Variants in TSC22D1 observed in about 807,000 individuals in gnomAD.
TSC22D1 encodes the protein TSC22 domain family member 1.
In TSC22D1, 9 loss-of-function variants were observed where a neutral mutation model predicts 74.2. The ratio of observed to expected loss-of-function variants is 0.12; its 90% confidence interval spans 0.07 to 0.21. The LOEUF (loss-of-function observed/expected upper bound fraction) is 0.21. Ranked by LOEUF, TSC22D1 falls within the 10% of genes least tolerant of loss-of-function variation. TSC22D1 has a pLI of 1.00. For missense variants in TSC22D1, 1,427 were observed against 1,304.7 expected (o/e 1.09, Z -1.44); for synonymous variants, 586 against 492.5 (o/e 1.19, Z -2.51).
At chr13:44,462,056 G>A (rs924846896) in intron 1 of TSC22D1, among the ~76,000 whole-genome samples, 2 of 152,140 alleles carry the variant, frequency 1.3e-5, no homozygotes, top group African/African-American at 4.8e-5. Flanking sequence ...AGGGAGAGGG[G>A]AGATAAATGA....
intron 1 of TSC22D1, chr13:44,536,715 A>T (rs1337381865): frequency 9.2e-6 from 9 of 981,692 alleles, no homozygotes; most frequent in Non-Finnish European, 1.1e-5. Context: ...ATTACTCTTG[A>T]TATTTACAGT....
intron 1 of TSC22D1, among the ~76,000 whole-genome samples, chr13:44,568,645 CA>C (rs933839159): frequency 2.6e-4 from 40 of 152,146 alleles, no homozygotes; most frequent in African/African-American, 8.2e-4. Context: ...CCCCACACTG[CA>C]AATCTCTAAT....
chr13:44,488,063 A>G (rs1245457505), intron 1 of TSC22D1, among the ~76,000 whole-genome samples: 3 of 151,794 alleles, frequency 2.0e-5, no homozygotes, highest in Non-Finnish European at 2.9e-5. Context: ...GTCTCAAAAG[A>G]AAAAAAAAGA....
chr13:44,434,549 AG>A lies in TSC22D1; in HGVS notation c.*76del. The stretch of plus-strand genomic sequence containing the variant: ...CGAGCAATGAAATGGGTGACTGTGG[AG>A]GCAGATTCTCCCTAGCACATCTTCT... On this transcript the variant is annotated 3_prime_UTR_variant, in exon 3 of 3. Transcript: ENST00000458659. The A allele has an allele frequency of 1.4e-6, 2 of 1,477,364 alleles. No individual in the cohort carries two copies. Among genetic ancestry groups the A allele is most frequent in the Non-Finnish European group, 1.8e-6 (2 of 1,117,346 alleles). The allele number at this position is 1,477,364 out of a possible 1,614,324, so 91.5% of individuals were successfully genotyped here.
Position 44,486,916 on chromosome 13 carries a change from T to C in TSC22D1, c.2913-50821A>G, listed in dbSNP as rs146837681. 1.3e-3 allele frequency among the ~76,000 whole-genome samples: 203 copies of C among 152,200 alleles called. 1 individual carries two copies. Among genetic ancestry groups the C allele is most frequent in the African/African-American group, 4.5e-3 (187 of 41,538 alleles). The stretch of plus-strand genomic sequence containing the variant: ...GAAAAAGAAATGCAGATTTCTAAAA[T>C]ATGCTATGAAGTAGTCAGAAGGAAT... On this transcript the variant is annotated intron_variant, in intron 1 of 2. Transcript: ENST00000458659.
intron 1 of TSC22D1, among the ~76,000 whole-genome samples, chr13:44,482,255 C>T (rs1007443567): frequency 2.0e-5 from 3 of 152,176 alleles, no homozygotes; most frequent in African/African-American, 7.2e-5. Flanking sequence ...GAGAGGTTAG[C>T]CAGGTGCAGT....
intron 1 of TSC22D1, among the ~76,000 whole-genome samples, chr13:44,505,715 C>T (rs2137994336): frequency 6.6e-6 from 1 of 152,182 alleles, no homozygotes; most frequent in East Asian, 1.9e-4. Flanking sequence ...TATTGAACTA[C>T]TAGACTTTTC....
At chr13:44,533,349 C>T (rs1880961896) in intron 1 of TSC22D1, among the ~76,000 whole-genome samples, 1 of 151,362 alleles carries the variant, frequency 6.6e-6, no homozygotes, top group Non-Finnish European at 1.5e-5. Context: ...GTAATCCCAG[C>T]TACTCACGAG....
intron 1 of TSC22D1, among the ~76,000 whole-genome samples, chr13:44,504,597 G>A (rs1351133978): frequency 3.0e-5 from 3 of 99,226 alleles, no homozygotes; most frequent in Admixed American, 1.2e-4. Flanking sequence ...GAGGGAGACT[G>A]TCTCAAAAAA....
intron 1 of TSC22D1, among the ~76,000 whole-genome samples, chr13:44,437,659 T>G (rs1337309655): frequency 6.6e-6 from 1 of 152,144 alleles, no homozygotes; most frequent in Non-Finnish European, 1.5e-5. Flanking sequence ...AATCCACAGG[T>G]TGAATTCCAC....
At chr13:44,437,038 G>A in intron 1 of TSC22D1, 2 of 981,474 alleles carry the variant, frequency 2.0e-6, no homozygotes, top group Non-Finnish European at 2.4e-6. Context: ...GGGCTGGCCT[G>A]GCGCGGGCCG....
intron 1 of TSC22D1, among the ~76,000 whole-genome samples, chr13:44,464,392 T>C (rs778914352): frequency 3.3e-5 from 5 of 152,172 alleles, no homozygotes; most frequent in Non-Finnish European, 7.3e-5. Context: ...ATTGAACAAA[T>C]GCCTGCGAGG....
chr13:44,533,137 G>A (rs185233475), intron 1 of TSC22D1, among the ~76,000 whole-genome samples: 4 of 152,234 alleles, frequency 2.6e-5, no homozygotes, highest in Admixed American at 1.3e-4. Flanking sequence ...AAATGGCATG[G>A]GAGCGGGGGC....
intron 1 of TSC22D1, among the ~76,000 whole-genome samples, chr13:44,567,413 C>T (rs974596635): frequency 6.6e-6 from 1 of 151,944 alleles, no homozygotes; most frequent in Non-Finnish European, 1.5e-5. Context: ...TGACTACCAA[C>T]TATCTGAGGA....
At position 44,434,685 on chromosome 13, in the gene TSC22D1, G is replaced by A; in HGVS notation, c.3163C>T (p.Gln1055Ter). 6.2e-7 allele frequency: 1 copy of A among 1,609,060 alleles called. No homozygotes were observed. ...TGSPPATTQPQGTTQPPAQPA... is the reference protein window; with the variant it reads ...TGSPPATTQP The stretch of plus-strand genomic sequence containing the variant: ...TGGGCGGGGGGCTGTGTGGTGCCCT[G>A]TGGCTGGGTGGTGGCAGGGGGGGAG... Residue 1055 changes from glutamine (Q) to a stop codon, truncating the protein, a stop_gained, in exon 3 of 3, where the codon CAG (glutamine) becomes TAG (stop). Transcript: ENST00000458659. LOFTEE classifies it high-confidence loss of function.
At chr13:44,473,625 G>A (rs74070104) in intron 1 of TSC22D1, among the ~76,000 whole-genome samples, 22 of 125,722 alleles carry the variant, frequency 1.7e-4, no homozygotes, top group Middle Eastern at 8.5e-3. Context: ...GTGTGTGTGT[G>A]TATATATTTA....
At chr13:44,494,071 CA>C (rs1373845493) in intron 1 of TSC22D1, among the ~76,000 whole-genome samples, 1 of 151,254 alleles carries the variant, frequency 6.6e-6, no homozygotes, top group Non-Finnish European at 1.5e-5. Flanking sequence ...TCTCTACAAA[CA>C]ATTTAAAAAT....
At chr13:44,527,742 A>G (rs967919610) in intron 1 of TSC22D1, among the ~76,000 whole-genome samples, 2 of 152,142 alleles carry the variant, frequency 1.3e-5, no homozygotes, top group African/African-American at 4.8e-5. Flanking sequence ...ATTAAAACAC[A>G]GAGACTTTCA....
At chr13:44,549,692 A>G (rs1882082904) in intron 1 of TSC22D1, among the ~76,000 whole-genome samples, 1 of 150,884 alleles carries the variant, frequency 6.6e-6, no homozygotes, top group South Asian at 2.1e-4. Flanking sequence ...CTTGAGCCCA[A>G]GGAGGCAGAG....
Sources: gnomAD v4.1 joint callset for allele counts (sites outside exome capture counted in the v4.1 genomes callset) on GRCh38, gnomAD v4.1.1 for gene constraint, MANE v1.5 for transcripts, NCBI Gene and HGNC (gene_info 2026-07-23, HGNC 2026-07-21) for gene names.